The following FHIT variants were observed in gnomAD, a reference collection of about 807,000 sequenced individuals.
FHIT encodes fragile histidine triad diadenosine triphosphatase.
Under a neutral mutation model 17.9 loss-of-function variants are expected in FHIT, and 19 were observed. That is an observed-to-expected ratio of 1.06 (90% CI 0.74 to 1.56). The LOEUF (loss-of-function observed/expected upper bound fraction) is 1.56, where lower values mean the gene tolerates loss of function less well. FHIT is among the 40% of genes most tolerant of loss of function. The pLI, the probability that FHIT is intolerant of heterozygous loss-of-function variation, is 0.00. For synonymous variants in FHIT, 81 were observed against 69.7 expected (o/e 1.16, Z -0.81); for missense variants, 248 against 189.2 (o/e 1.31, Z -1.82).
At chr3:60,168,026 T>C (rs977570896) in intron 5 of FHIT, among the ~76,000 whole-genome samples, 1 of 152,146 alleles carries the variant, frequency 6.6e-6, no homozygotes, top group East Asian at 1.9e-4. Flanking sequence ...CCTGTCTCAA[T>C]AAGTAAGTAA....
intron 2 of FHIT, among the ~76,000 whole-genome samples, chr3:61,165,045 T>C (rs919315234): frequency 1.3e-5 from 2 of 152,256 alleles, no homozygotes; most frequent in African/African-American, 4.8e-5. Context: ...CCACCATTCA[T>C]AGGCACCTAG....
At chr3:60,018,305 G>A (rs1388513404) in intron 5 of FHIT, among the ~76,000 whole-genome samples, 1 of 152,164 alleles carries the variant, frequency 6.6e-6, no homozygotes, top group Non-Finnish European at 1.5e-5. Flanking sequence ...AGTGATTCAT[G>A]AAGGATCTGC....
At chr3:61,037,580 T>C (rs907283920) in intron 3 of FHIT, among the ~76,000 whole-genome samples, 1 of 152,196 alleles carries the variant, frequency 6.6e-6, no homozygotes, top group Non-Finnish European at 1.5e-5. Flanking sequence ...TAATTCCCAG[T>C]GCAACAGAGG....
At chr3:60,266,277 G>A (rs963554375) in intron 5 of FHIT, among the ~76,000 whole-genome samples, 1 of 152,012 alleles carries the variant, frequency 6.6e-6, no homozygotes, top group African/African-American at 2.4e-5. Context: ...CATTATTCTA[G>A]CTGAAAGAAG....
In FHIT at chr3:60,712,682, C is replaced by G. The variant is rs559245996; in HGVS notation, c.-18+109237G>C. Among the ~76,000 whole-genome samples, 506 of 151,266 alleles carry G rather than the reference C, an allele frequency of 3.3e-3. 3 individuals are homozygous for G. Among genetic ancestry groups the G allele is most frequent in the South Asian group, 0.013 (62 of 4,702 alleles). Reference sequence around the variant, plus strand: ...ACAAAGATCAAAAGAGACAAAGAAGCCCATTACATAATGGTAAAGGGATCA... The same window carrying G: ...ACAAAGATCAAAAGAGACAAAGAAGGCCATTACATAATGGTAAAGGGATCA... On this transcript the variant is annotated intron_variant, in intron 4 of 9. Transcript: ENST00000492590.
At chr3:60,554,563 C>A (rs1327886400) in intron 4 of FHIT, among the ~76,000 whole-genome samples, 1 of 152,214 alleles carries the variant, frequency 6.6e-6, no homozygotes, top group Non-Finnish European at 1.5e-5. Context: ...CAACTGTGAT[C>A]TTTCAGAAGC....
chr3:61,092,604 TTAG>T (rs1473218631), intron 2 of FHIT, among the ~76,000 whole-genome samples: 3 of 152,066 alleles, frequency 2.0e-5, no homozygotes, highest in Non-Finnish European at 4.4e-5. Context: ...TTCAAGTTAT[TTAG>T]TAGTAATCTG....
At chr3:59,936,008 G>C (rs1559479622) in intron 7 of FHIT, among the ~76,000 whole-genome samples, 2 of 152,088 alleles carry the variant, frequency 1.3e-5, no homozygotes, top group Non-Finnish European at 2.9e-5. Flanking sequence ...AAGTTCTTGT[G>C]TTTCTAGCCT....
intron 5 of FHIT, among the ~76,000 whole-genome samples, chr3:60,480,201 A>G (rs767501421): frequency 4.6e-5 from 7 of 152,154 alleles, no homozygotes; most frequent in Non-Finnish European, 8.8e-5. Context: ...GACTTATCAA[A>G]TAACCACATC....
chr3:59,779,991 G>A (rs1353577032), intron 8 of FHIT, among the ~76,000 whole-genome samples: 2 of 152,184 alleles, frequency 1.3e-5, no homozygotes, highest in East Asian at 3.8e-4. Flanking sequence ...CAGAAGGTGG[G>A]TGAAAGCCAC....
chr3:61,246,109 T>C (rs1576290770), intron 1 of FHIT, among the ~76,000 whole-genome samples: 1 of 152,168 alleles, frequency 6.6e-6, no homozygotes, highest in African/African-American at 2.4e-5. Context: ...AAAAATGCCA[T>C]GGCAATGTCA....
intron 5 of FHIT, among the ~76,000 whole-genome samples, chr3:60,526,289 G>T (rs979575802): frequency 6.6e-6 from 1 of 151,956 alleles, no homozygotes; most frequent in African/African-American, 2.4e-5. Flanking sequence ...GTAAAGTCTC[G>T]CCCCCGTTTG....
intron 3 of FHIT, among the ~76,000 whole-genome samples, chr3:60,850,685 C>G (rs1174962035): frequency 6.6e-6 from 1 of 152,138 alleles, no homozygotes; most frequent in Non-Finnish European, 1.5e-5. Context: ...CTATGGCCAA[C>G]CAGGTCCAAT....
chr3:59,894,461 T>C (rs1257393687), intron 8 of FHIT, among the ~76,000 whole-genome samples: 2 of 152,248 alleles, frequency 1.3e-5, no homozygotes, highest in South Asian at 2.1e-4. Context: ...CTAATTGGCA[T>C]TGCAGAGTAG....
At chr3:61,079,669 C>T (rs947691104) in intron 2 of FHIT, among the ~76,000 whole-genome samples, 8 of 152,164 alleles carry the variant, frequency 5.3e-5, no homozygotes, top group Admixed American at 6.5e-5. Context: ...GGCACACATG[C>T]GTGTGCACAC....
At chr3:60,124,051 G>GAGAGAGAGAC (rs1559653981) in intron 5 of FHIT, among the ~76,000 whole-genome samples, 11 of 118,790 alleles carry the variant, frequency 9.3e-5, no homozygotes, top group African/African-American at 3.6e-4. Flanking sequence ...GAGAGAGAGA[G>GAGAGAGAGAC]AGAGACAGAG....
intron 1 of FHIT, among the ~76,000 whole-genome samples, chr3:61,243,097 C>T (rs544616036): frequency 1.4e-4 from 22 of 152,278 alleles, no homozygotes; most frequent in Admixed American, 3.9e-4. Flanking sequence ...GTCTGGCCTA[C>T]GCACAGGAAT....
chr3:59,964,833 CCAAAA>C (rs935229973), intron 7 of FHIT, among the ~76,000 whole-genome samples: 9 of 152,050 alleles, frequency 5.9e-5, no homozygotes, highest in African/African-American at 1.9e-4. Context: ...ATATATCAAA[CCAAAA>C]CAAATCAATA....
intron 4 of FHIT, among the ~76,000 whole-genome samples, chr3:60,573,623 G>A (rs1205559145): frequency 6.6e-6 from 1 of 152,070 alleles, no homozygotes; most frequent in Non-Finnish European, 1.5e-5. Context: ...GACAAAAAAG[G>A]CATGCAGCTC....
Sources: gnomAD v4.1 joint callset for allele counts (sites outside exome capture counted in the v4.1 genomes callset) on GRCh38, gnomAD v4.1.1 for gene constraint, MANE v1.5 for transcripts, NCBI Gene and HGNC (gene_info 2026-07-23, HGNC 2026-07-21) for gene names.